Variants in GALNTL6 observed in about 807,000 individuals in gnomAD.
The protein encoded by GALNTL6 is polypeptide N-acetylgalactosaminyltransferase-like 6.
In GALNTL6, 46 loss-of-function variants were observed where a neutral mutation model predicts 73.7. The ratio of observed to expected loss-of-function variants is 0.62; its 90% CI spans 0.49 to 0.80. The LOEUF (loss-of-function observed/expected upper bound fraction) is 0.80. GALNTL6 is among the 30% of genes least tolerant of loss of function. The probability of loss-of-function intolerance (pLI) is 0.00; values close to 1 mark genes in which losing one functional copy is unlikely to be tolerated. For synonymous variants in GALNTL6, 259 were observed against 263.7 expected, an observed-to-expected ratio of 0.98 and a Z score of 0.17; for missense variants, 604 against 755.0, an observed-to-expected ratio of 0.80 and a Z score of 2.34.
chr4:172,811,788 T>G (rs2110993415), intron 6 of GALNTL6, among the ~76,000 whole-genome samples: 1 of 152,314 alleles, frequency 6.6e-6, no homozygotes, highest in Non-Finnish European at 1.5e-5. Context: ...TGCATTCCCC[T>G]TCCCCTGTTT....
At chr4:172,497,372 C>A (rs575825324) in intron 5 of GALNTL6, among the ~76,000 whole-genome samples, 1 of 152,282 alleles carries the variant, frequency 6.6e-6, no homozygotes, top group Admixed American at 6.5e-5. Context: ...TAAAATGAGG[C>A]AAATTCTTTG....
chr4:171,997,491 G>A (rs1322120523), intron 2 of GALNTL6, among the ~76,000 whole-genome samples: 3 of 151,954 alleles, frequency 2.0e-5, no homozygotes, highest in Non-Finnish European at 4.4e-5. Flanking sequence ...CATGTTCAGA[G>A]CACTCATATT....
intron 4 of GALNTL6, among the ~76,000 whole-genome samples, chr4:172,344,830 G>C (rs561714958): frequency 6.6e-6 from 1 of 152,210 alleles, no homozygotes; most frequent in East Asian, 1.9e-4. Flanking sequence ...TCACTGGTCT[G>C]TGAACCCTTA....
At chr4:172,952,637 T>A (rs913421196) in intron 10 of GALNTL6, among the ~76,000 whole-genome samples, 1 of 151,840 alleles carries the variant, frequency 6.6e-6, no homozygotes, top group African/African-American at 2.4e-5. Flanking sequence ...TACCCCAGCC[T>A]CCTGAGTAGC....
intron 2 of GALNTL6, among the ~76,000 whole-genome samples, chr4:172,180,957 C>T (rs1403844351): frequency 2.0e-5 from 3 of 151,994 alleles, no homozygotes; most frequent in Admixed American, 1.3e-4. Flanking sequence ...CTTTTGGTTC[C>T]GTTAGAAATT....
chr4:172,416,355 A>C (rs1730834285), intron 5 of GALNTL6, among the ~76,000 whole-genome samples: 1 of 152,240 alleles, frequency 6.6e-6, no homozygotes, highest in Admixed American at 6.5e-5. Context: ...ATTCCGGCTT[A>C]CATCTAGACA....
intron 2 of GALNTL6, among the ~76,000 whole-genome samples, chr4:171,967,178 T>C (rs1416772028): frequency 6.6e-6 from 1 of 152,202 alleles, no homozygotes; most frequent in Non-Finnish European, 1.5e-5. Flanking sequence ...TATTGTAAAA[T>C]GTGTTTTCAG....
At chr4:172,423,381 T>G (rs1011399030) in intron 5 of GALNTL6, among the ~76,000 whole-genome samples, 1 of 152,032 alleles carries the variant, frequency 6.6e-6, no homozygotes, top group African/African-American at 2.4e-5. Context: ...TTTTTTTAAT[T>G]AACTGCCTGA....
intron 12 of GALNTL6, among the ~76,000 whole-genome samples, chr4:173,037,746 C>G (rs1430232969): frequency 6.6e-6 from 1 of 150,618 alleles, no homozygotes; most frequent in Non-Finnish European, 1.5e-5. Flanking sequence ...TCCACATGAG[C>G]ATTTTTTTTT....
intron 2 of GALNTL6, among the ~76,000 whole-genome samples, chr4:171,839,323 T>C (rs1373493994): frequency 6.6e-6 from 1 of 152,052 alleles, no homozygotes; most frequent in Non-Finnish European, 1.5e-5. Flanking sequence ...ATTTCTGATT[T>C]AAAAAAAATC....
chr4:172,881,377 A>G (rs1745441928), intron 7 of GALNTL6, among the ~76,000 whole-genome samples: 1 of 152,192 alleles, frequency 6.6e-6, no homozygotes, highest in African/African-American at 2.4e-5. Context: ...TTATTTTCTG[A>G]ATTCTGCCCA....
At chr4:172,436,070 T>C (rs947313207) in intron 5 of GALNTL6, among the ~76,000 whole-genome samples, 4 of 152,152 alleles carry the variant, frequency 2.6e-5, no homozygotes, top group African/African-American at 9.7e-5. Context: ...TCTAAATGGT[T>C]ATTAGTTTAT....
chr4:172,886,172 T>C (rs1218268108), intron 8 of GALNTL6, among the ~76,000 whole-genome samples: 1 of 152,220 alleles, frequency 6.6e-6, no homozygotes, highest in Non-Finnish European at 1.5e-5. Context: ...CCATCAAGTG[T>C]TGGGCTTTTC....
At chr4:172,014,479 C>T (rs1741123188) in intron 2 of GALNTL6, among the ~76,000 whole-genome samples, 2 of 151,886 alleles carry the variant, frequency 1.3e-5, no homozygotes. Context: ...TCAATGATGT[C>T]GAGCATGTTT....
chr4:171,871,123 G>A (rs1736122554), intron 2 of GALNTL6, among the ~76,000 whole-genome samples: 4 of 152,058 alleles, frequency 2.6e-5, no homozygotes, highest in Admixed American at 1.3e-4. Flanking sequence ...AATATGTACA[G>A]GTAAATACAG....
chr4:172,731,029 G>A lies in GALNTL6; in HGVS notation c.554-78332G>A, dbSNP rs150162802. On this transcript the variant is annotated intron_variant, in intron 5 of 12. Transcript: ENST00000506823. ...CAAGAGGTGGAGGTTGTAGTAAGCCGAGATCGCACCACTGCACTCCAGCCT... is the reference window on the plus strand; with the variant it reads ...CAAGAGGTGGAGGTTGTAGTAAGCCAAGATCGCACCACTGCACTCCAGCCT... Among the ~76,000 whole-genome samples, 663 of 150,034 alleles carry A rather than the reference G, an allele frequency of 4.4e-3. 4 individuals are homozygous for A. The highest frequency in any genetic ancestry group is 0.016 in the African/African-American group (634 of 40,680).
intron 7 of GALNTL6, among the ~76,000 whole-genome samples, chr4:172,875,355 T>G (rs1354817114): frequency 6.6e-6 from 1 of 152,192 alleles, no homozygotes; most frequent in Admixed American, 6.5e-5. Context: ...TAAGAATTGC[T>G]GAATAATTAG....
rs144467344 is a variant in GALNTL6 at position 172,590,721 on chromosome 4, G to A, written c.554-218640G>A. Among the ~76,000 whole-genome samples the A allele has an allele frequency of 1.0e-3, 157 of 152,240 alleles. 1 individual carries two copies. The highest frequency in any genetic ancestry group is 3.5e-3 in the African/African-American group (144 of 41,524). On this transcript the variant is annotated intron_variant, in intron 5 of 12. Transcript: ENST00000506823. ...AAATCCATCTGTTTACATACAAAGA[G>A]TAAATGCCTGGAAATGTGGCTTCTG...
chr4:172,073,449 GAAGC>G (rs1252277820), intron 2 of GALNTL6, among the ~76,000 whole-genome samples: 1 of 152,188 alleles, frequency 6.6e-6, no homozygotes, highest in East Asian at 1.9e-4. Context: ...TGGTGAAAGA[GAAGC>G]AGTATTCAGG....
Sources: gnomAD v4.1 joint callset for allele counts (sites outside exome capture counted in the v4.1 genomes callset) on GRCh38, gnomAD v4.1.1 for gene constraint, MANE v1.5 for transcripts, NCBI Gene and HGNC (gene_info 2026-07-23, HGNC 2026-07-21) for gene names.